Variants in CNTN3 observed in about 807,000 individuals in gnomAD.
CNTN3 encodes the protein contactin 3, also known as contactin-3.
A neutral mutation model predicts 119.1 loss-of-function variants in CNTN3; 60 were observed. That is an observed-to-expected ratio of 0.50 (90% confidence interval 0.41 to 0.62). The LOEUF (loss-of-function observed/expected upper bound fraction) is 0.62. Among genes scored for constraint, CNTN3 ranks in the 20% least tolerant of loss-of-function variants. The pLI, the probability that CNTN3 is intolerant of heterozygous loss-of-function variation, is 0.00. For missense variants in CNTN3, 1,101 were observed against 1,242.4 expected (o/e 0.89, Z 1.71); for synonymous variants, 450 against 438.7 (o/e 1.03, Z -0.32).
intron 2 of CNTN3, among the ~76,000 whole-genome samples, chr3:74,512,712 A>AAAG (rs1703389880): frequency 6.9e-6 from 1 of 145,834 alleles, no homozygotes; most frequent in Non-Finnish European, 1.5e-5. Flanking sequence ...AAAAAAAAAA[A>AAAG]AAAGAAAGAA....
chr3:74,285,538 C>A, intron 19 of CNTN3, 47 bp from the exon 20 acceptor site: 1 of 1,537,590 alleles, frequency 6.5e-7, no homozygotes, highest in South Asian at 1.2e-5. Flanking sequence ...AAAAATTCTG[C>A]CCTTTCCATT....
At chr3:74,570,909 G>A (rs1704322885) in intron 1 of CNTN3, among the ~76,000 whole-genome samples, 1 of 152,108 alleles carries the variant, frequency 6.6e-6, no homozygotes, top group Admixed American at 6.5e-5. Flanking sequence ...AATGTGTTTG[G>A]TATTCAACTC....
At chr3:74,266,361 C>T (rs559385415) in intron 22 of CNTN3, 120 bp downstream of exon 22, 55 of 1,045,250 alleles carry the variant, frequency 5.3e-5, no homozygotes, top group Non-Finnish European at 6.7e-5. Context: ...AAAACCTTAC[C>T]GGCATTTGGA....
chr3:74,519,874 T>TC (rs1703513420), intron 2 of CNTN3, among the ~76,000 whole-genome samples: 1 of 151,672 alleles, frequency 6.6e-6, no homozygotes. Context: ...AAAACCTCTT[T>TC]CTTTTAAAAG....
At chr3:74,420,987 C>G (rs1169626377) in intron 5 of CNTN3, among the ~76,000 whole-genome samples, 1 of 152,160 alleles carries the variant, frequency 6.6e-6, no homozygotes, top group South Asian at 2.1e-4. Flanking sequence ...AGAGCCCACG[C>G]TCTTAGCATC....
chr3:74,439,909 G>A (rs1701933158), intron 4 of CNTN3, among the ~76,000 whole-genome samples: 1 of 152,054 alleles, frequency 6.6e-6, no homozygotes, highest in Non-Finnish European at 1.5e-5. Flanking sequence ...TCTGAATCTG[G>A]CCAACTGGTT....
chr3:74,497,062 T>C (rs1160503114), intron 3 of CNTN3, among the ~76,000 whole-genome samples: 1 of 152,000 alleles, frequency 6.6e-6, no homozygotes, highest in East Asian at 1.9e-4. Context: ...TGGTTTCACA[T>C]GGCTCCTTAA....
Position 74,298,361 on chromosome 3 carries a change from G to A in CNTN3, c.2167-170C>T, listed in dbSNP as rs144024234. ...AAACATCAGCAGGAGAGTCATGTCA[G>A]CTGCTTTTAAACAGACATATGTCAC... On this transcript the variant is annotated intron_variant, in intron 17 of 22. Transcript: ENST00000263665. Among the ~76,000 whole-genome samples the A allele has an allele frequency of 1.3e-4, 20 of 152,270 alleles. No homozygotes were observed. In the East Asian group the frequency reaches 2.7e-3, roughly 21 times the overall value.
At chr3:74,516,159 G>A (rs554985290) in intron 2 of CNTN3, among the ~76,000 whole-genome samples, 8 of 151,958 alleles carry the variant, frequency 5.3e-5, no homozygotes, top group Non-Finnish European at 1.0e-4. Flanking sequence ...CTTTGAACAA[G>A]TACCTGAAAT....
intron 1 of CNTN3, among the ~76,000 whole-genome samples, chr3:74,527,424 A>C (rs1235197550): frequency 2.0e-5 from 3 of 151,910 alleles, no homozygotes; most frequent in African/African-American, 7.2e-5. Context: ...CGGCAATACA[A>C]AAATATTGCC....
chr3:74,572,981 C>A (rs948381265), intron 1 of CNTN3, among the ~76,000 whole-genome samples: 1 of 152,198 alleles, frequency 6.6e-6, no homozygotes, highest in Non-Finnish European at 1.5e-5. Flanking sequence ...TGTACTTAGA[C>A]CAGGGTGGGG....
At chr3:74,339,383 C>A (rs1313485834) in intron 11 of CNTN3, among the ~76,000 whole-genome samples, 1 of 152,090 alleles carries the variant, frequency 6.6e-6, no homozygotes, top group Non-Finnish European at 1.5e-5. Context: ...CACAAGCCTT[C>A]TTTTAATGAC....
At chr3:74,413,317 T>C (rs572187947) in intron 5 of CNTN3, among the ~76,000 whole-genome samples, 13 of 152,322 alleles carry the variant, frequency 8.5e-5, no homozygotes, top group Admixed American at 3.3e-4. Context: ...TTGGAGTTGT[T>C]TGTTGCTGCA....
intron 3 of CNTN3, among the ~76,000 whole-genome samples, chr3:74,489,865 C>T (rs868538485): frequency 2.0e-5 from 3 of 152,060 alleles, no homozygotes; most frequent in Admixed American, 6.6e-5. Flanking sequence ...ACAATGTATG[C>T]AAAGCTCTCA....
chr3:74,581,800 C>A (rs1471336329), intron 1 of CNTN3, among the ~76,000 whole-genome samples: 1 of 152,196 alleles, frequency 6.6e-6, no homozygotes, highest in East Asian at 1.9e-4. Flanking sequence ...CAGAAAGAGA[C>A]CCCACTATTA....
At chr3:74,538,745 C>A (rs576059414) in intron 1 of CNTN3, among the ~76,000 whole-genome samples, 1 of 152,182 alleles carries the variant, frequency 6.6e-6, no homozygotes, top group East Asian at 1.9e-4. Flanking sequence ...TTCCCTAAGG[C>A]AGTAGTGGAG....
chr3:74,553,634 G>A lies in CNTN3; in HGVS notation c.-80-32442C>T, dbSNP rs535673046. Among the ~76,000 whole-genome samples, 572 of 152,228 alleles carry A rather than the reference G, an allele frequency of 3.8e-3. 6 individuals are homozygous for A. The highest frequency in any genetic ancestry group is 0.013 in the African/African-American group (556 of 41,528). On this transcript the variant is annotated intron_variant, in intron 1 of 22. Coordinates refer to ENST00000263665, the MANE Select transcript of CNTN3 (RefSeq NM_020872.3). ...CTTTTTAATGATCGCCATTCTAACTGGCGTGAGATGATATCTCATTGTGGT... is the reference window on the plus strand; with the variant it reads ...CTTTTTAATGATCGCCATTCTAACTAGCGTGAGATGATATCTCATTGTGGT...
At chr3:74,533,654 G>A (rs1166744000) in intron 1 of CNTN3, among the ~76,000 whole-genome samples, 1 of 151,902 alleles carries the variant, frequency 6.6e-6, no homozygotes, top group African/African-American at 2.4e-5. Flanking sequence ...CAATCCCTGG[G>A]TATTATTATT....
chr3:74,534,771 T>C (rs1413175169), intron 1 of CNTN3, among the ~76,000 whole-genome samples: 2 of 152,002 alleles, frequency 1.3e-5, no homozygotes, highest in African/African-American at 4.8e-5. Flanking sequence ...GATATATACA[T>C]ATGTAGTCTT....
Sources: allele counts gnomAD v4.1 joint callset (sites outside exome capture counted in the v4.1 genomes callset), GRCh38; gene constraint gnomAD v4.1.1; transcripts MANE v1.5; gene names NCBI Gene and HGNC (gene_info 2026-07-23, HGNC 2026-07-21).